Variants in DLG2 observed in about 807,000 individuals in gnomAD.
DLG2 encodes disks large homolog 2.
Under a neutral mutation model 132.5 loss-of-function variants are expected in DLG2, and 45 were observed. That is an observed-to-expected ratio of 0.34 (90% confidence interval 0.27 to 0.44). The LOEUF (loss-of-function observed/expected upper bound fraction) is 0.44. Among genes scored for constraint, DLG2 ranks in the 20% least tolerant of loss-of-function variants. DLG2 has a pLI of 1.00. For synonymous variants in DLG2, 424 were observed against 419.6 expected (o/e 1.01, Z -0.13); for missense variants, 1,045 against 1,196.9 (o/e 0.87, Z 1.87).
At chr11:83,555,040 T>C (rs2096487258) in intron 19 of DLG2, among the ~76,000 whole-genome samples, 1 of 152,152 alleles carries the variant, frequency 6.6e-6, no homozygotes, top group South Asian at 2.1e-4. Context: ...CATGAGAGTA[T>C]ACAGTGGAGA....
chr11:84,290,885 C>T (rs540559237), intron 7 of DLG2, among the ~76,000 whole-genome samples: 48 of 152,170 alleles, frequency 3.2e-4, no homozygotes, highest in Non-Finnish European at 5.3e-4. Context: ...CTCAGTGTTG[C>T]TATGAGTAAG....
At chr11:85,141,283 C>G (rs1251689755) in intron 5 of DLG2, among the ~76,000 whole-genome samples, 1 of 151,604 alleles carries the variant, frequency 6.6e-6, no homozygotes, top group Non-Finnish European at 1.5e-5. Flanking sequence ...AGATGATACC[C>G]CACTGTTGTT....
chr11:83,463,168 A>G (rs1441048846), intron 26 of DLG2, among the ~76,000 whole-genome samples: 1 of 152,192 alleles, frequency 6.6e-6, no homozygotes, highest in Non-Finnish European at 1.5e-5. Context: ...ATCTGGGGTA[A>G]GAACTCAAGG....
At chr11:85,256,827 CA>C (rs1482845907) in intron 4 of DLG2, among the ~76,000 whole-genome samples, 2 of 152,084 alleles carry the variant, frequency 1.3e-5, no homozygotes, top group African/African-American at 4.8e-5. Context: ...TCATTGTTAT[CA>C]ATACTTTCGA....
At chr11:84,649,527 T>G (rs2099678988) in intron 6 of DLG2, among the ~76,000 whole-genome samples, 1 of 152,162 alleles carries the variant, frequency 6.6e-6, no homozygotes, top group Non-Finnish European at 1.5e-5. Flanking sequence ...GTTGATGAAT[T>G]AGGTGTTAAT....
intron 6 of DLG2, among the ~76,000 whole-genome samples, chr11:84,957,645 G>A (rs905517213): frequency 1.3e-5 from 2 of 152,154 alleles, no homozygotes; most frequent in Non-Finnish European, 2.9e-5. Flanking sequence ...TTATTACATT[G>A]AGTTGTTTAC....
At chr11:84,195,972 T>C (rs1273815624) in intron 8 of DLG2, among the ~76,000 whole-genome samples, 1 of 152,174 alleles carries the variant, frequency 6.6e-6, no homozygotes, top group African/African-American at 2.4e-5. Context: ...AATGTATACA[T>C]GTTGGATGAG....
intron 18 of DLG2, among the ~76,000 whole-genome samples, chr11:83,661,423 G>A (rs2074243363): frequency 6.6e-6 from 1 of 151,994 alleles, no homozygotes; most frequent in Non-Finnish European, 1.5e-5. Context: ...AATAACAAAG[G>A]AAATATCTAC....
chr11:83,995,009 C>T (rs1444253054), intron 11 of DLG2, among the ~76,000 whole-genome samples: 1 of 146,840 alleles, frequency 6.8e-6, no homozygotes, highest in East Asian at 2.0e-4. Flanking sequence ...AAGACACTTG[C>T]CATATTGGAA....
At chr11:85,068,847 A>C (rs908522260) in intron 6 of DLG2, among the ~76,000 whole-genome samples, 1 of 152,184 alleles carries the variant, frequency 6.6e-6, no homozygotes, top group African/African-American at 2.4e-5. Flanking sequence ...TTGCCAAGAA[A>C]ATCCTAAGCC....
At chr11:83,998,358 T>A (rs907379019) in intron 11 of DLG2, among the ~76,000 whole-genome samples, 3 of 152,226 alleles carry the variant, frequency 2.0e-5, no homozygotes, top group Non-Finnish European at 4.4e-5. Flanking sequence ...AGAGGAGTTT[T>A]GTACTTGTCT....
intron 6 of DLG2, among the ~76,000 whole-genome samples, chr11:85,024,032 G>A (rs1438260758): frequency 6.6e-6 from 1 of 152,064 alleles, no homozygotes; most frequent in Non-Finnish European, 1.5e-5. Flanking sequence ...ATCGTGAGGT[G>A]ACAAAATATG....
intron 3 of DLG2, among the ~76,000 whole-genome samples, chr11:85,572,607 T>C (rs904457124): frequency 1.3e-5 from 2 of 152,180 alleles, no homozygotes; most frequent in Non-Finnish European, 2.9e-5. Context: ...AGAAGTTGTA[T>C]CCCATTCAAG....
intron 11 of DLG2, among the ~76,000 whole-genome samples, chr11:84,047,548 T>A (rs2096266526): frequency 6.6e-6 from 1 of 151,758 alleles, no homozygotes; most frequent in South Asian, 2.1e-4. Flanking sequence ...CTTGAGTAAC[T>A]ATTCACAGCT....
intron 6 of DLG2, among the ~76,000 whole-genome samples, chr11:85,072,977 A>C (rs1417931773): frequency 6.6e-6 from 1 of 151,860 alleles, no homozygotes; most frequent in Non-Finnish European, 1.5e-5. Flanking sequence ...TTCAGTTTTT[A>C]ATGTCAAAAA....
chr11:83,723,754 G>A (rs1187430229), intron 18 of DLG2, among the ~76,000 whole-genome samples: 2 of 151,944 alleles, frequency 1.3e-5, no homozygotes, highest in Non-Finnish European at 2.9e-5. Flanking sequence ...TACTCAGGAG[G>A]CTGAGGTGAG....
At chr11:84,369,436 C>G (rs535441279) in intron 7 of DLG2, among the ~76,000 whole-genome samples, 2 of 152,212 alleles carry the variant, frequency 1.3e-5, no homozygotes, top group South Asian at 4.2e-4. Flanking sequence ...CTCATGACAA[C>G]AGTTTGAGAC....
intron 6 of DLG2, among the ~76,000 whole-genome samples, chr11:84,995,272 G>A (rs2057522215): frequency 1.3e-5 from 2 of 152,082 alleles, no homozygotes; most frequent in Admixed American, 6.6e-5. Flanking sequence ...ATTTTTATTA[G>A]TATTAGGGAG....
chr11:84,327,120 T>C (rs1055077282), intron 7 of DLG2, among the ~76,000 whole-genome samples: 1 of 146,456 alleles, frequency 6.8e-6, no homozygotes, highest in Non-Finnish European at 1.5e-5. Context: ...ATCTTTTTTT[T>C]TTTTTTTTTT....
Sources: gnomAD v4.1 joint callset for allele counts (sites outside exome capture counted in the v4.1 genomes callset) on GRCh38, gnomAD v4.1.1 for gene constraint, MANE v1.5 for transcripts, NCBI Gene and HGNC (gene_info 2026-07-23, HGNC 2026-07-21) for gene names.